TMEM170A: variants seen among roughly 807,000 people sequenced by gnomAD.
TMEM170A encodes the protein transmembrane protein 170A, also known as transmembrane protein 170.
Under a neutral mutation model 12.8 loss-of-function variants are expected in TMEM170A, and 18 were observed. The ratio of observed to expected loss-of-function variants is 1.41; its 90% CI spans 0.97 to 2.09. TMEM170A has a LOEUF of 2.09. Among genes scored for constraint, TMEM170A ranks in the 30% most tolerant of loss-of-function variants. The pLI is 0.00. For missense variants in TMEM170A, 220 were observed against 179.9 expected (o/e 1.22, Z -1.28); for synonymous variants, 107 against 76.2 (o/e 1.40, Z -2.11).
chr16:75,446,516 G>A lies in TMEM170A; in HGVS notation c.*1042C>T, dbSNP rs1329305250. ...TACATATCTGAACATTAAACTTTAG[G>A]CACTTTCTGGGAGTTGATACCCAAT... On this transcript the variant is annotated 3_prime_UTR_variant, in exon 3 of 3. Coordinates refer to ENST00000561878, the MANE Select transcript of TMEM170A (RefSeq NM_145254.3). 1 of 152,082 alleles carries A rather than the reference G, an allele frequency of 6.6e-6. No individual in the cohort carries two copies. The highest frequency in any genetic ancestry group is 1.5e-5 in the Non-Finnish European group (1 of 68,008). 9.4% of individuals were successfully genotyped at this position (152,082 alleles called of 1,614,324 possible). A position where few individuals can be genotyped will look rare whatever the true frequency, so the allele number is the denominator to read the frequency against.
chr16:75,459,323 T>C (rs1487499787), intron 1 of TMEM170A, among the ~76,000 whole-genome samples: 3 of 152,206 alleles, frequency 2.0e-5, no homozygotes, highest in African/African-American at 7.2e-5. Context: ...CCCTGGCCTC[T>C]AACCTCCACA....
intron 1 of TMEM170A, among the ~76,000 whole-genome samples, chr16:75,460,308 A>C (rs2079880041): frequency 6.6e-6 from 1 of 152,102 alleles, no homozygotes; most frequent in Non-Finnish European, 1.5e-5. Context: ...ACTAAAAACC[A>C]CTGGATTGTA....
intron 2 of TMEM170A, among the ~76,000 whole-genome samples, chr16:75,448,556 A>G (rs1386330612): frequency 6.6e-6 from 1 of 152,148 alleles, no homozygotes; most frequent in African/African-American, 2.4e-5. Context: ...TGAGCTCAGG[A>G]GTTTGAGACC....
In TMEM170A at chr16:75,450,664, CTT is replaced by C. The variant is rs34424243; in HGVS notation, c.304+1003_304+1004del. ...TCGGGTACTTTTCTAAGCAAGAATT[CTT>C]TTTTTTTCCCCCGGGTCTTGCTCTG... On this transcript the variant is annotated intron_variant, in intron 2 of 2. Transcript: ENST00000561878. Among the ~76,000 whole-genome samples, 6 of 151,508 alleles carry C rather than the reference CTT, an allele frequency of 4.0e-5. No individual in the cohort carries two copies. In the East Asian group the frequency reaches 9.7e-4, roughly 25 times the overall value.
chr16:75,461,339 C>A (rs2079904582), intron 1 of TMEM170A, among the ~76,000 whole-genome samples: 1 of 152,200 alleles, frequency 6.6e-6, no homozygotes, highest in South Asian at 2.1e-4. Flanking sequence ...CAGGCGTGAG[C>A]CACGGCAACC....
intron 1 of TMEM170A, among the ~76,000 whole-genome samples, chr16:75,463,587 C>G (rs2079943937): frequency 6.6e-6 from 1 of 152,210 alleles, no homozygotes; most frequent in South Asian, 2.1e-4. Flanking sequence ...CTGCTCTGGT[C>G]CCTCATTGTT....
chr16:75,451,979 A>T (rs933031331), intron 1 of TMEM170A, 140 bp from the exon 2 acceptor site: 1 of 835,126 alleles, frequency 1.2e-6, no homozygotes, highest in Non-Finnish European at 1.8e-6. Context: ...TATTATTTTT[A>T]ATTTTTTTTT....
At chr16:75,454,544 A>G (rs2151637644) in intron 1 of TMEM170A, among the ~76,000 whole-genome samples, 1 of 152,214 alleles carries the variant, frequency 6.6e-6, no homozygotes, top group East Asian at 1.9e-4. Flanking sequence ...CTGAGGCAGG[A>G]GAATCGCTTG....
intron 1 of TMEM170A, 197 bp downstream of exon 1, chr16:75,464,270 CG>C (rs1233955667): frequency 1.3e-6 from 2 of 1,494,650 alleles, no homozygotes; most frequent in Non-Finnish European, 1.8e-6. Flanking sequence ...AGCGGGACTC[CG>C]GGGCTCCGCC....
At chr16:75,451,572 T>G in intron 2 of TMEM170A, 97 bp downstream of exon 2, 1 of 1,361,880 alleles carries the variant, frequency 7.3e-7, no homozygotes, top group Non-Finnish European at 1.0e-6. Flanking sequence ...AAAGGCACTC[T>G]TTCCTTCATC....
At position 75,447,689 on chromosome 16, in the gene TMEM170A, C is replaced by T; in HGVS notation, c.305-1G>A. On this transcript the variant is annotated splice_acceptor_variant, in intron 2 of 2. Coordinates refer to ENST00000561878, the MANE Select transcript of TMEM170A (RefSeq NM_145254.3). LOFTEE classifies it high-confidence loss of function. The stretch of plus-strand genomic sequence containing the variant: ...CGGTAAACTCCAGCAATAGCTGCAC[C>T]TGATTTAAAATGCAAGAATGTTAAA... 6.3e-7 allele frequency: 1 copy of T among 1,582,266 alleles called. No individual in the cohort carries two copies. The highest frequency in any genetic ancestry group is 8.6e-7 in the Non-Finnish European group (1 of 1,168,638).
In TMEM170A at chr16:75,444,032, G is replaced by A. The variant is rs890035850; in HGVS notation, c.*3526C>T. ...GAACCCAGGAAACGGAGGCTGCAGT[G>A]AGCTGAGACCATGCCACTGCACTCC... On this transcript the variant is annotated 3_prime_UTR_variant, in exon 3 of 3. Coordinates refer to ENST00000561878, the MANE Select transcript of TMEM170A (RefSeq NM_145254.3). 1 of 151,622 alleles carries A rather than the reference G, an allele frequency of 6.6e-6. No individual in the cohort carries two copies. The highest frequency in any genetic ancestry group is 2.4e-5 in the African/African-American group (1 of 41,240). The allele number at this position is 151,622 out of a possible 1,614,324, so 9.4% of individuals were successfully genotyped here. A position where few individuals can be genotyped will look rare whatever the true frequency, so the allele number is the denominator to read the frequency against.
intron 1 of TMEM170A, among the ~76,000 whole-genome samples, chr16:75,456,579 C>T (rs2079801963): frequency 6.6e-6 from 1 of 152,170 alleles, no homozygotes; most frequent in African/African-American, 2.4e-5. Flanking sequence ...CAGCCCCCAC[C>T]TCTTCCACAA....
chr16:75,464,647 G>A lies in TMEM170A; in HGVS notation c.-47C>T, dbSNP rs758490418. On this transcript the variant is annotated 5_prime_UTR_variant, in exon 1 of 3. Coordinates refer to ENST00000561878, the MANE Select transcript of TMEM170A (RefSeq NM_145254.3). ...GAAATGAGGGACGAGCGCCCGAAGTGCGGTAGCGGCCGGCGCCGACTCACC... is the reference window on the plus strand; with the variant it reads ...GAAATGAGGGACGAGCGCCCGAAGTACGGTAGCGGCCGGCGCCGACTCACC... The A allele has an allele frequency of 1.3e-6, 2 of 1,545,770 alleles. No homozygotes were observed. The highest frequency in any genetic ancestry group is 2.1e-5 in the Admixed American group (1 of 48,308).
intron 1 of TMEM170A, chr16:75,458,387 T>A (rs1208023913): frequency 2.6e-5 from 4 of 152,254 alleles, no homozygotes; most frequent in Non-Finnish European, 5.9e-5. Flanking sequence ...GTGACTAAAG[T>A]AAGGATCTTC....
intron 1 of TMEM170A, among the ~76,000 whole-genome samples, chr16:75,461,131 G>A (rs2079898408): frequency 6.6e-6 from 1 of 152,130 alleles, no homozygotes; most frequent in African/African-American, 2.4e-5. Context: ...TCAGCTCACT[G>A]CAACCTCCCC....
intron 2 of TMEM170A, among the ~76,000 whole-genome samples, chr16:75,450,393 G>A (rs2079661519): frequency 6.6e-6 from 1 of 152,002 alleles, no homozygotes; most frequent in Non-Finnish European, 1.5e-5. Flanking sequence ...ATGAGAAAAT[G>A]GAGGATTTTA....
intron 2 of TMEM170A, among the ~76,000 whole-genome samples, chr16:75,448,435 T>A (rs1455498401): frequency 6.6e-6 from 1 of 152,162 alleles, no homozygotes; most frequent in Non-Finnish European, 1.5e-5. Flanking sequence ...ACCAAGGAAG[T>A]GTACCAAGAA....
intron 1 of TMEM170A, chr16:75,458,344 C>G (rs6564261): frequency 2.6e-5 from 4 of 152,002 alleles, no homozygotes; most frequent in Admixed American, 2.0e-4. Flanking sequence ...AACCTGTGAA[C>G]AGATTAACCC....
Sources: allele counts gnomAD v4.1 joint callset (sites outside exome capture counted in the v4.1 genomes callset), GRCh38; gene constraint gnomAD v4.1.1; transcripts MANE v1.5; gene names NCBI Gene and HGNC (gene_info 2026-07-23, HGNC 2026-07-21).